Variants in DPP10 observed in about 807,000 individuals in gnomAD.
DPP10 encodes the protein dipeptidyl peptidase like 10, also known as inactive dipeptidyl peptidase 10.
DPP10 carries 33 observed loss-of-function variants against 120.9 expected under a neutral mutation model. That is an observed-to-expected ratio of 0.27 (90% CI 0.21 to 0.37). DPP10 has a LOEUF of 0.37. Ranked by LOEUF, DPP10 falls within the 10% of genes least tolerant of loss-of-function variation. The probability of loss-of-function intolerance (pLI) is 1.00; values close to 1 mark genes in which losing one functional copy is unlikely to be tolerated. For missense variants in DPP10, 816 were observed against 942.8 expected (o/e 0.87, Z 1.76); for synonymous variants, 337 against 326.1 (o/e 1.03, Z -0.36).
At chr2:115,039,302 A>G (rs1704459579) in intron 1 of DPP10, among the ~76,000 whole-genome samples, 1 of 152,258 alleles carries the variant, frequency 6.6e-6, no homozygotes, top group South Asian at 2.1e-4. Flanking sequence ...ATACAAGTCT[A>G]TTGAATAATT....
intron 5 of DPP10, among the ~76,000 whole-genome samples, chr2:115,657,156 CTTT>C (rs2088438494): frequency 6.6e-6 from 1 of 151,510 alleles, no homozygotes; most frequent in Admixed American, 6.6e-5. Flanking sequence ...ACATAAACCT[CTTT>C]TATTTGCTTA....
Position 115,387,891 on chromosome 2 carries a change from TA to T in DPP10, c.271+43981del, listed in dbSNP as rs538777302. ...CACAATTAAATCAACAATATGTTGA[TA>T]AGTGCTGTAAACAGAGAAAAAAAAG... On this transcript the variant is annotated intron_variant, in intron 3 of 25. Coordinates refer to ENST00000410059, the MANE Select transcript of DPP10 (RefSeq NM_020868.6). 1.3e-3 allele frequency among the ~76,000 whole-genome samples: 202 copies of T among 152,270 alleles called. 1 individual carries two copies. The highest frequency in any genetic ancestry group is 4.8e-3 in the African/African-American group (199 of 41,548).
intron 1 of DPP10, among the ~76,000 whole-genome samples, chr2:114,507,933 A>G (rs1231510813): frequency 6.6e-6 from 1 of 152,242 alleles, no homozygotes; most frequent in Non-Finnish European, 1.5e-5. Flanking sequence ...TAATTGATAT[A>G]TGCTGACTCA....
At chr2:114,820,984 G>A (rs1291127211) in intron 1 of DPP10, among the ~76,000 whole-genome samples, 2 of 152,214 alleles carry the variant, frequency 1.3e-5, no homozygotes, top group East Asian at 1.9e-4. Flanking sequence ...GTTTTGAGAA[G>A]TGGAGAGTTT....
chr2:115,129,457 C>G (rs2050232082), intron 1 of DPP10, among the ~76,000 whole-genome samples: 1 of 152,078 alleles, frequency 6.6e-6, no homozygotes, highest in Non-Finnish European at 1.5e-5. Context: ...TTTATGTTTT[C>G]TCAGGCATAT....
intron 1 of DPP10, among the ~76,000 whole-genome samples, chr2:115,018,767 T>G (rs1016981745): frequency 4.6e-5 from 7 of 152,100 alleles, no homozygotes; most frequent in Non-Finnish European, 7.4e-5. Flanking sequence ...ATGTAGATGA[T>G]GGACTGATGG....
intron 1 of DPP10, among the ~76,000 whole-genome samples, chr2:115,253,318 A>G (rs773065555): frequency 2.6e-5 from 4 of 152,278 alleles, no homozygotes; most frequent in Non-Finnish European, 5.9e-5. Context: ...TTTGGAGGGA[A>G]CATATATCCA....
At chr2:115,701,595 A>G (rs567163774) in intron 7 of DPP10, among the ~76,000 whole-genome samples, 1 of 152,092 alleles carries the variant, frequency 6.6e-6, no homozygotes. Context: ...TTAAAAATTG[A>G]CAAATTAGAT....
intron 11 of DPP10, among the ~76,000 whole-genome samples, chr2:115,760,005 G>T (rs576838346): frequency 6.7e-6 from 1 of 149,166 alleles, no homozygotes; most frequent in African/African-American, 2.5e-5. Flanking sequence ...GTGAAACTCC[G>T]TCACAAAAAA....
intron 5 of DPP10, among the ~76,000 whole-genome samples, chr2:115,655,095 G>T (rs2088176667): frequency 1.3e-5 from 2 of 151,610 alleles, no homozygotes; most frequent in African/African-American, 4.8e-5. Context: ...CCCTTTGATT[G>T]TTATATATGC....
intron 8 of DPP10, among the ~76,000 whole-genome samples, chr2:115,735,743 G>C (rs1181385820): frequency 7.1e-6 from 1 of 141,588 alleles, no homozygotes; most frequent in African/African-American, 2.6e-5. Context: ...ATGTTGGCCA[G>C]GCTGGTCTCT....
At chr2:115,392,984 T>G (rs886996745) in intron 3 of DPP10, among the ~76,000 whole-genome samples, 1 of 152,168 alleles carries the variant, frequency 6.6e-6, no homozygotes, top group Admixed American at 6.5e-5. Context: ...TGAATTTTCC[T>G]TTGTCATTTA....
At chr2:115,790,148 C>A (rs2149907113) in intron 17 of DPP10, among the ~76,000 whole-genome samples, 1 of 151,272 alleles carries the variant, frequency 6.6e-6, no homozygotes, top group African/African-American at 2.4e-5. Context: ...GGCGCAATCT[C>A]GGCTCACTGC....
intron 3 of DPP10, among the ~76,000 whole-genome samples, chr2:115,461,767 A>G (rs2074000015): frequency 6.6e-6 from 1 of 152,214 alleles, no homozygotes; most frequent in Non-Finnish European, 1.5e-5. Context: ...TAAAAGTATT[A>G]TAAATAATAT....
intron 1 of DPP10, among the ~76,000 whole-genome samples, chr2:114,935,296 T>A (rs964098625): frequency 6.6e-6 from 1 of 151,760 alleles, no homozygotes. Flanking sequence ...ATTCACCTTA[T>A]CCATTCTATA....
intron 3 of DPP10, among the ~76,000 whole-genome samples, chr2:115,428,089 GT>G (rs1272341505): frequency 6.6e-6 from 1 of 152,172 alleles, no homozygotes; most frequent in Non-Finnish European, 1.5e-5. Flanking sequence ...ATTTGCTCCA[GT>G]TTCCAACAAG....
At chr2:115,595,897 T>C in intron 5 of DPP10, among the ~76,000 whole-genome samples, 1 of 152,168 alleles carries the variant, frequency 6.6e-6, no homozygotes, top group Non-Finnish European at 1.5e-5. Flanking sequence ...ATGCTTTGTA[T>C]ATAGAATTGT....
intron 1 of DPP10, among the ~76,000 whole-genome samples, chr2:115,101,028 C>G (rs747577537): frequency 6.6e-6 from 1 of 152,174 alleles, no homozygotes; most frequent in Non-Finnish European, 1.5e-5. Context: ...GCTGAGCCAA[C>G]TCCCCTGTGA....
chr2:114,532,296 T>TATATATATAC (rs1342125338), intron 1 of DPP10, among the ~76,000 whole-genome samples: 167 of 74,610 alleles, frequency 2.2e-3, no homozygotes, highest in African/African-American at 3.6e-3. Flanking sequence ...TATATATATA[T>TATATATATAC]ACACACACAC....
Sources: gnomAD v4.1 joint callset for allele counts (sites outside exome capture counted in the v4.1 genomes callset) on GRCh38, gnomAD v4.1.1 for gene constraint, MANE v1.5 for transcripts, NCBI Gene and HGNC (gene_info 2026-07-23, HGNC 2026-07-21) for gene names.